EXT2: variants seen among roughly 807,000 people sequenced by gnomAD.
The protein encoded by EXT2 is exostosin glycosyltransferase 2.
Under a neutral mutation model 81.6 loss-of-function variants are expected in EXT2, and 53 were observed. The observed-to-expected ratio is 0.65, with a 90% CI of 0.52 to 0.82. EXT2 has a LOEUF of 0.82. Ranked by LOEUF, EXT2 falls within the 40% of genes least tolerant of loss-of-function variation. EXT2 has a pLI of 0.00. For missense variants in EXT2, 774 were observed against 910.2 expected (o/e 0.85, Z 1.93); for synonymous variants, 320 against 340.0 (o/e 0.94, Z 0.65).
At chr11:44,169,606 G>A (rs1050107075) in intron 7 of EXT2, among the ~76,000 whole-genome samples, 39 of 152,068 alleles carry the variant, frequency 2.6e-4, no homozygotes, top group Non-Finnish European at 4.9e-4. Flanking sequence ...AGTATAAATC[G>A]ACTATATTTG....
chr11:44,220,915 G>A lies in EXT2; in HGVS notation c.1663-11438G>A, dbSNP rs981204711. Among the ~76,000 whole-genome samples the A allele has an allele frequency of 6.6e-6, 1 of 152,160 alleles. No individual in the cohort carries two copies. The highest frequency in any genetic ancestry group is 1.5e-5 in the Non-Finnish European group (1 of 68,024). On this transcript the variant is annotated intron_variant, in intron 10 of 13. Transcript: ENST00000533608. This position sits in a 1 kb window ranked among gnomAD's most constrained non-coding sequence, Gnocchi z 4.4. Reference sequence around the variant, plus strand: ...CCATTGGAGAACAAGTCAAACAAATGTTAAGGGAAGGAAATCAAATATGTT... The same window carrying A: ...CCATTGGAGAACAAGTCAAACAAATATTAAGGGAAGGAAATCAAATATGTT...
intron 7 of EXT2, among the ~76,000 whole-genome samples, chr11:44,169,134 C>T (rs530920999): frequency 2.0e-5 from 3 of 152,056 alleles, no homozygotes; most frequent in Admixed American, 6.6e-5. Flanking sequence ...GCAGGAGAAT[C>T]GTTTGAACCT....
chr11:44,152,455 G>T (rs887066562), intron 7 of EXT2, among the ~76,000 whole-genome samples: 4 of 152,028 alleles, frequency 2.6e-5, no homozygotes, highest in Admixed American at 6.6e-5. Context: ...GGTTCAAGCA[G>T]TTCTCATGCC....
At chr11:44,202,796 AAGAAGCAGGCTCAG>A (rs1396357046) in intron 9 of EXT2, among the ~76,000 whole-genome samples, 1 of 152,208 alleles carries the variant, frequency 6.6e-6, no homozygotes, top group Non-Finnish European at 1.5e-5. Context: ...TTCATAGTTG[AAGAAGCAGGCTCAG>A]AGTGTTTAAC....
intron 7 of EXT2, among the ~76,000 whole-genome samples, chr11:44,156,404 T>A (rs1311378362): frequency 6.6e-6 from 1 of 152,218 alleles, no homozygotes; most frequent in East Asian, 1.9e-4. Context: ...CTTGTAGGCA[T>A]GCTTCATTCT....
intron 4 of EXT2, among the ~76,000 whole-genome samples, chr11:44,121,300 GTCTT>G (rs1954312797): frequency 1.3e-5 from 2 of 152,286 alleles, no homozygotes; most frequent in Admixed American, 1.3e-4. Flanking sequence ...CTAACCCAGA[GTCTT>G]TCTTAAGAGT....
At chr11:44,170,587 G>A (rs930059502) in intron 7 of EXT2, among the ~76,000 whole-genome samples, 1 of 151,954 alleles carries the variant, frequency 6.6e-6, no homozygotes, top group Non-Finnish European at 1.5e-5. Flanking sequence ...AGTACAAAGA[G>A]AAAACACAAC....
chr11:44,230,660 A>G (rs1955887944), intron 10 of EXT2, among the ~76,000 whole-genome samples: 1 of 152,126 alleles, frequency 6.6e-6, no homozygotes, highest in African/African-American at 2.4e-5. Flanking sequence ...AATGCCAGAG[A>G]TTGACAGCCA....
rs1953894875 is a variant in EXT2 at position 44,096,307 on chromosome 11, A to C, written c.-31+455A>C. The C allele has an allele frequency of 3.3e-6, 5 of 1,535,676 alleles. No homozygotes were observed. The African/African-American group carries it at 4.1e-5, about 13-fold the overall frequency. ...CCTGCGGCATCCCTTGCGGTGCCAGAAGCCGTGGGACGAGGTAGGGAAGGG... is the reference window on the plus strand; with the variant it reads ...CCTGCGGCATCCCTTGCGGTGCCAGCAGCCGTGGGACGAGGTAGGGAAGGG... On this transcript the variant is annotated intron_variant, in intron 1 of 13. Transcript: ENST00000533608.
chr11:44,126,284 A>G (rs1324240189), intron 5 of EXT2, among the ~76,000 whole-genome samples: 6 of 152,226 alleles, frequency 3.9e-5, no homozygotes, highest in African/African-American at 1.4e-4. Context: ...CATTGAATTC[A>G]TGAAATGAGT....
intron 7 of EXT2, among the ~76,000 whole-genome samples, chr11:44,133,493 C>T (rs1404487133): frequency 6.6e-6 from 1 of 152,170 alleles, no homozygotes; most frequent in Admixed American, 6.5e-5. Flanking sequence ...CTGAGAAACT[C>T]CAGACTAGCT....
intron 3 of EXT2, among the ~76,000 whole-genome samples, chr11:44,113,863 T>C (rs1052393229): frequency 6.6e-6 from 1 of 152,162 alleles, no homozygotes; most frequent in South Asian, 2.1e-4. Context: ...TTATAAAGTA[T>C]GACTAGGGAG....
intron 7 of EXT2, among the ~76,000 whole-genome samples, chr11:44,167,818 TTTA>T (rs900967430): frequency 1.2e-4 from 18 of 152,162 alleles, no homozygotes; most frequent in Non-Finnish European, 4.4e-5. Flanking sequence ...CTTTCTTTTT[TTTA>T]TTATTATTAT....
intron 10 of EXT2, among the ~76,000 whole-genome samples, chr11:44,211,543 T>G (rs1955648496): frequency 6.6e-6 from 1 of 152,182 alleles, no homozygotes; most frequent in African/African-American, 2.4e-5. Flanking sequence ...AAACATTGTA[T>G]TATCTCACTA....
At chr11:44,146,145 A>G (rs1036301296) in intron 7 of EXT2, among the ~76,000 whole-genome samples, 3 of 151,888 alleles carry the variant, frequency 2.0e-5, no homozygotes, top group African/African-American at 7.3e-5. Context: ...GTATTCACGC[A>G]CCTCTGGTGT....
intron 7 of EXT2, among the ~76,000 whole-genome samples, chr11:44,170,566 A>G (rs938207499): frequency 5.9e-5 from 9 of 152,236 alleles, no homozygotes; most frequent in African/African-American, 2.2e-4. Flanking sequence ...AAGCTCTACT[A>G]AGACTGATCA....
rs77429562 is a variant in EXT2, at chr11:44,127,613, T to C, written c.1079+658T>C. Among the ~76,000 whole-genome samples, 354 of 152,258 alleles carry C rather than the reference T, an allele frequency of 2.3e-3. 1 individual carries two copies. The highest frequency in any genetic ancestry group is 8.1e-3 in the African/African-American group (338 of 41,558). On this transcript the variant is annotated intron_variant, in intron 6 of 13. Transcript: ENST00000533608. Reference sequence around the variant, plus strand: ...AAACCAGTCCTTGGTGCTGAAAAGGTTGGGGACTGTTGCTTTTCAGAAAAT... The same window carrying C: ...AAACCAGTCCTTGGTGCTGAAAAGGCTGGGGACTGTTGCTTTTCAGAAAAT...
At position 44,249,887 on chromosome 11, in the gene EXT2, G is replaced by A. The variant is rs1351333394; in HGVS notation, c.*5600G>A. On this transcript the variant is annotated 3_prime_UTR_variant, in exon 14 of 14. Transcript: ENST00000533608. ...AGATCGAGACCCTCCTGGCTAACAC[G>A]GTGAAACCCCATCTCTACTAAAAAT... Among the ~76,000 whole-genome samples the A allele has an allele frequency of 2.6e-5, 4 of 152,134 alleles. No homozygotes were observed. The highest frequency in any genetic ancestry group is 6.5e-5 in the Admixed American group (1 of 15,270).
intron 7 of EXT2, among the ~76,000 whole-genome samples, chr11:44,132,911 A>G (rs951885167): frequency 7.2e-5 from 11 of 152,120 alleles, no homozygotes; most frequent in Non-Finnish European, 5.9e-5. Context: ...TCCTAACCCC[A>G]CATTTCTAGA....
Sources: allele counts gnomAD v4.1 joint callset (sites outside exome capture counted in the v4.1 genomes callset), GRCh38; gene constraint gnomAD v4.1.1; non-coding constraint Gnocchi (gnomAD v3.1); transcripts MANE v1.5; gene names NCBI Gene and HGNC (gene_info 2026-07-23, HGNC 2026-07-21).